ENKUR: variants seen among roughly 807,000 people sequenced by gnomAD.
The protein encoded by ENKUR is enkurin, TRPC channel interacting protein, also known as enkurin.
ENKUR carries 19 observed loss-of-function variants against 27.6 expected under a neutral mutation model. The observed-to-expected ratio is 0.69, with a 90% CI of 0.48 to 1.01. The LOEUF (loss-of-function observed/expected upper bound fraction) is 1.01. ENKUR is among the 50% of genes least tolerant of loss of function. ENKUR has a pLI of 0.00. For missense variants in ENKUR, 312 were observed against 310.5 expected (o/e 1.00, Z -0.04); for synonymous variants, 117 against 96.9 (o/e 1.21, Z -1.22).
intron 2 of ENKUR, among the ~76,000 whole-genome samples, chr10:25,033,864 TATCA>T (rs1368253513): frequency 1.2e-4 from 18 of 148,268 alleles, no homozygotes; most frequent in African/African-American, 2.1e-4. Context: ...TCTATCTATC[TATCA>T]ATCATCTATT....
chr10:25,015,382 A>C (rs1012280499), intron 1 of ENKUR, among the ~76,000 whole-genome samples: 4 of 152,216 alleles, frequency 2.6e-5, no homozygotes, highest in Non-Finnish European at 5.9e-5. Context: ...TGAGGCTCAA[A>C]AGCAAATGTA....
At chr10:25,046,669 T>C (rs1206186297) in intron 2 of ENKUR, among the ~76,000 whole-genome samples, 1 of 152,232 alleles carries the variant, frequency 6.6e-6, no homozygotes, top group East Asian at 1.9e-4. Context: ...TATAAAGCTC[T>C]ATAATTTTTC....
intron 4 of ENKUR, among the ~76,000 whole-genome samples, chr10:24,987,295 G>A (rs1403539815): frequency 6.6e-6 from 1 of 152,108 alleles, no homozygotes; most frequent in Non-Finnish European, 1.5e-5. Flanking sequence ...GTGCCTCAGT[G>A]CTTCTTGTTG....
chr10:24,998,530 A>G (rs1850117640), intron 2 of ENKUR, among the ~76,000 whole-genome samples: 1 of 151,902 alleles, frequency 6.6e-6, no homozygotes, highest in South Asian at 2.1e-4. Context: ...GCATGCCATC[A>G]CACCTAGCTA....
At chr10:25,014,710 G>GA (rs1166296144) in intron 1 of ENKUR, among the ~76,000 whole-genome samples, 4 of 152,130 alleles carry the variant, frequency 2.6e-5, no homozygotes, top group Non-Finnish European at 5.9e-5. Flanking sequence ...TAGAAAATTT[G>GA]AAAATAAATT....
rs1427812769 is a variant in ENKUR, at chr10:24,984,886, T to A, written c.614A>T (p.Glu205Val). Reference sequence around the variant, plus strand: ...GGACTGGAATTCTTTATGCACCTCTTCCCAGTTCTTTTTCAGCCCCTGCAA... The same window carrying A: ...GGACTGGAATTCTTTATGCACCTCTACCCAGTTCTTTTTCAGCCCCTGCAA... ...AVLQGLKKNWEEVHKEFQSLS... is the reference protein window; with the variant it reads ...AVLQGLKKNWVEVHKEFQSLS... Residue 205 changes from glutamate (E) to valine (V), a missense_variant, in exon 5 of 6, where the codon GAA becomes GTA. Glu to Val is a moderately radical substitution (Grantham distance 121). Coordinates refer to ENST00000331161, the MANE Select transcript of ENKUR (RefSeq NM_145010.4). 1 of 1,612,722 alleles carries A rather than the reference T, an allele frequency of 6.2e-7. No individual in the cohort carries two copies. The highest frequency in any genetic ancestry group is 8.5e-7 in the Non-Finnish European group (1 of 1,179,608).
At chr10:25,040,205 A>C (rs1032116803) in intron 2 of ENKUR, among the ~76,000 whole-genome samples, 1 of 152,056 alleles carries the variant, frequency 6.6e-6, no homozygotes, top group Non-Finnish European at 1.5e-5. Flanking sequence ...GCTGCATTCT[A>C]GCGGTCAAAG....
intron 2 of ENKUR, among the ~76,000 whole-genome samples, chr10:24,997,563 ATTT>A (rs1206374738): frequency 6.6e-6 from 1 of 151,564 alleles, no homozygotes; most frequent in Non-Finnish European, 1.5e-5. Context: ...ATTAAAAAAA[ATTT>A]TTTATAGAGA....
chr10:25,054,788 C>A (rs1391655516), intron 2 of ENKUR, among the ~76,000 whole-genome samples: 1 of 151,558 alleles, frequency 6.6e-6, no homozygotes. Flanking sequence ...ACTCAGGTCC[C>A]ACCTCAGCCC....
upstream of ENKUR, among the ~76,000 whole-genome samples, chr10:25,020,479 T>C (rs538416341): frequency 3.3e-5 from 5 of 152,162 alleles, no homozygotes; most frequent in African/African-American, 1.2e-4. Flanking sequence ...AGATGAAAGA[T>C]TTACTGGGCC....
At chr10:25,053,865 T>A (rs932727088) in intron 2 of ENKUR, among the ~76,000 whole-genome samples, 2 of 152,184 alleles carry the variant, frequency 1.3e-5, no homozygotes, top group African/African-American at 2.4e-5. Context: ...AAAATACTCA[T>A]GCACCTACCA....
intron 2 of ENKUR, among the ~76,000 whole-genome samples, chr10:25,028,033 A>G (rs1428869115): frequency 1.3e-5 from 2 of 152,170 alleles, no homozygotes. Context: ...AAGGATTACT[A>G]TGGGATAGTC....
chr10:25,002,729 TG>T (rs1366344822), intron 1 of ENKUR, among the ~76,000 whole-genome samples: 41 of 152,346 alleles, frequency 2.7e-4, no homozygotes, highest in African/African-American at 9.4e-4. Flanking sequence ...GAAACATTAT[TG>T]TTTTTTTCCT....
intron 2 of ENKUR, among the ~76,000 whole-genome samples, chr10:25,033,235 C>G (rs943482939): frequency 6.6e-6 from 1 of 151,754 alleles, no homozygotes; most frequent in Non-Finnish European, 1.5e-5. Context: ...AGGGAGACCT[C>G]TCTACAAAAA....
At chr10:25,013,877 A>G (rs112325937) in intron 1 of ENKUR, among the ~76,000 whole-genome samples, 5,519 of 152,138 alleles carry the variant, frequency 0.036, 241 homozygotes, top group African/African-American at 0.1. Flanking sequence ...AGGAGGCAGA[A>G]GCTGCAGTGA....
At chr10:25,042,591 G>C (rs1851077288) in intron 2 of ENKUR, among the ~76,000 whole-genome samples, 1 of 151,968 alleles carries the variant, frequency 6.6e-6, no homozygotes, top group South Asian at 2.1e-4. Context: ...CACCATGCCT[G>C]GCCCTGAAAA....
intron 2 of ENKUR, chr10:25,024,240 C>A: frequency 1.2e-6 from 2 of 1,614,170 alleles, no homozygotes; most frequent in South Asian, 2.2e-5. Context: ...ACCAGTTCAT[C>A]CTGGAGTTGT....
intron 2 of ENKUR, among the ~76,000 whole-genome samples, chr10:25,043,231 A>G (rs1233291135): frequency 6.6e-6 from 1 of 152,236 alleles, no homozygotes; most frequent in Non-Finnish European, 1.5e-5. Flanking sequence ...TTAGTTAACA[A>G]TAAAACCACT....
intron 3 of ENKUR, among the ~76,000 whole-genome samples, chr10:24,995,069 C>T (rs1376507501): frequency 1.3e-5 from 2 of 152,108 alleles, no homozygotes; most frequent in South Asian, 4.1e-4. Flanking sequence ...AAATTACACA[C>T]CTTTTCAGAT....
Sources: gnomAD v4.1 joint callset for allele counts (sites outside exome capture counted in the v4.1 genomes callset) on GRCh38, gnomAD v4.1.1 for gene constraint, MANE v1.5 for transcripts, NCBI Gene and HGNC (gene_info 2026-07-23, HGNC 2026-07-21) for gene names.